DNAH7: variants seen among roughly 807,000 people sequenced by gnomAD.
The protein encoded by DNAH7 is axonemal beta dynein heavy chain 7.
Under a neutral mutation model 444.6 loss-of-function variants are expected in DNAH7, and 397 were observed. The ratio of observed to expected loss-of-function variants is 0.89; its 90% confidence interval spans 0.82 to 0.97. DNAH7 has a LOEUF of 0.97. Among genes scored for constraint, DNAH7 ranks in the 50% least tolerant of loss-of-function variants. DNAH7 has a pLI of 0.00. For missense variants in DNAH7, 4,902 were observed against 4,800.8 expected, an observed-to-expected ratio of 1.02 and a Z score of -0.62; for synonymous variants, 1,636 against 1,624.4, an observed-to-expected ratio of 1.01 and a Z score of -0.17.
At chr2:195,854,782 T>C (rs1699595124) in intron 45 of DNAH7, among the ~76,000 whole-genome samples, 1 of 152,138 alleles carries the variant, frequency 6.6e-6, no homozygotes, top group South Asian at 2.1e-4. Context: ...AAAAATAAAA[T>C]TTTCAAACAT....
chr2:195,920,232 A>G (rs759307088), intron 24 of DNAH7, among the ~76,000 whole-genome samples: 9 of 152,232 alleles, frequency 5.9e-5, no homozygotes, highest in Non-Finnish European at 1.3e-4. Flanking sequence ...ATATGGAAGC[A>G]AAAAAGAGCC....
rs374224900 is a variant in DNAH7 at position 195,861,828 on chromosome 2, A to G, written c.7625T>C (p.Ile2542Thr). ...AACAAAGAAAGATTTGGATAAATCT[A>G]TAGTAGAAGTGTGGAAGCTTTTACA... Reference protein sequence around the residue: ...DMCKSFHTSTIDLSKSFFVEL... With the variant: ...DMCKSFHTSTTDLSKSFFVEL... Residue 2542 changes from isoleucine to threonine, a missense_variant, in exon 42 of 65, where the codon ATA (isoleucine) becomes ACA (threonine). Physicochemically the swap from Ile to Thr is moderately conservative, Grantham distance 89. Transcript: ENST00000312428. The G allele has an allele frequency of 6.2e-7, 1 of 1,613,178 alleles. No homozygotes were observed. Among genetic ancestry groups the G allele is most frequent in the African/African-American group, 1.3e-5 (1 of 75,026 alleles).
At chr2:196,035,102 A>G (rs1332999853) in intron 5 of DNAH7, among the ~76,000 whole-genome samples, 1 of 152,082 alleles carries the variant, frequency 6.6e-6, no homozygotes, top group East Asian at 1.9e-4. Flanking sequence ...AAATCGCTTG[A>G]ACCCAGGAGG....
intron 1 of DNAH7, among the ~76,000 whole-genome samples, chr2:196,065,595 C>G (rs147521286): frequency 6.6e-6 from 1 of 152,262 alleles, no homozygotes; most frequent in African/African-American, 2.4e-5. Context: ...AAAAAAGGCA[C>G]CAGGAGGAGA....
intron 55 of DNAH7, among the ~76,000 whole-genome samples, chr2:195,797,399 C>G (rs75965839): frequency 6.6e-6 from 1 of 152,106 alleles, no homozygotes; most frequent in South Asian, 2.1e-4. Flanking sequence ...TTGTCACTAG[C>G]TGGTAGAGGC....
chr2:195,852,114 C>T (rs58947622), intron 46 of DNAH7, among the ~76,000 whole-genome samples: 2,391 of 151,918 alleles, frequency 0.016, 68 homozygotes, highest in African/African-American at 0.054. Flanking sequence ...AAAAATTAGC[C>T]AGGCGTGGTG....
chr2:195,908,777 A>G (rs1386247354), intron 25 of DNAH7, among the ~76,000 whole-genome samples: 1 of 152,134 alleles, frequency 6.6e-6, no homozygotes, highest in Non-Finnish European at 1.5e-5. Context: ...TAAAATGTTA[A>G]TTGGTCATTT....
chr2:195,806,619 G>T, intron 54 of DNAH7, 121 bp downstream of exon 54: 1 of 674,162 alleles, frequency 1.5e-6, no homozygotes. Flanking sequence ...GAAAGAAGTG[G>T]GATTATTTCC....
intron 19 of DNAH7, among the ~76,000 whole-genome samples, chr2:195,950,868 A>AAAAAAAAAAAAAAAC (rs1553575648): frequency 2.9e-5 from 4 of 138,236 alleles, no homozygotes; most frequent in African/African-American, 1.1e-4. Context: ...AAAAAAAAAA[A>AAAAAAAAAAAAAAAC]AAAAAAAAAA....
intron 8 of DNAH7, 53 bp downstream of exon 8, chr2:196,024,376 A>G (rs1291882187): frequency 8.5e-7 from 1 of 1,178,750 alleles, no homozygotes. Context: ...TGATATAAAC[A>G]TATACAGAAA....
intron 5 of DNAH7, among the ~76,000 whole-genome samples, chr2:196,041,451 T>A (rs1261612065): frequency 2.6e-5 from 4 of 151,832 alleles, no homozygotes; most frequent in Non-Finnish European, 5.9e-5. Flanking sequence ...GCCAAAAACA[T>A]AAATTGGGGA....
At chr2:196,050,072 G>A (rs966920746) in intron 3 of DNAH7, among the ~76,000 whole-genome samples, 2 of 152,166 alleles carry the variant, frequency 1.3e-5, no homozygotes, top group African/African-American at 4.8e-5. Context: ...GTTAGTTCAA[G>A]TTTCCTAAGC....
In DNAH7 at chr2:195,858,503, G is replaced by A; in HGVS notation, c.8038C>T (p.Leu2680=). 6.2e-7 allele frequency: 1 copy of A among 1,611,894 alleles called. No homozygotes were observed. Among genetic ancestry groups the A allele is most frequent in the Non-Finnish European group, 8.5e-7 (1 of 1,178,920 alleles). ...GCAGTAAGAGTATCAAGGGCGGCCA[G>A]TGCTGACTCTAATATTGGCAAGGCA... ...AGALPILESA[L]AALDTLTAQD... Residue 2680 remains leucine, a synonymous_variant, in exon 43 of 65, where the codon CTG becomes TTG. Coordinates refer to ENST00000312428, the MANE Select transcript of DNAH7 (RefSeq NM_018897.3).
intron 15 of DNAH7, among the ~76,000 whole-genome samples, chr2:195,976,880 C>A (rs1692248544): frequency 6.6e-6 from 1 of 151,862 alleles, no homozygotes; most frequent in South Asian, 2.1e-4. Flanking sequence ...CCAAGACCAC[C>A]AAGGCAGTAC....
intron 15 of DNAH7, among the ~76,000 whole-genome samples, 189 bp downstream of exon 15, chr2:195,984,443 G>A (rs1326962611): frequency 2.6e-5 from 4 of 152,080 alleles, no homozygotes; most frequent in Non-Finnish European, 5.9e-5. Flanking sequence ...TGCCTCCCGG[G>A]TTCAACCGAT....
intron 58 of DNAH7, among the ~76,000 whole-genome samples, chr2:195,785,920 C>G (rs919058991): frequency 1.5e-4 from 23 of 151,918 alleles, no homozygotes; most frequent in Non-Finnish European, 2.8e-4. Context: ...CATTTTTGCT[C>G]CCTTATTAGT....
rs762126330 is a variant in DNAH7, at chr2:195,844,982, G to C, written c.8945+20C>G. 2 of 1,601,318 alleles carry C rather than the reference G, an allele frequency of 1.2e-6. No homozygotes were observed. The highest frequency in any genetic ancestry group is 1.7e-6 in the Non-Finnish European group (2 of 1,171,886). On this transcript the variant is annotated intron_variant, in intron 47 of 64. Coordinates refer to ENST00000312428, the MANE Select transcript of DNAH7 (RefSeq NM_018897.3). ...CTGTTATTTAATAAAGACCATTTGT[G>C]AGAAAAATATTTTTCTTACATTATG...
chr2:195,934,856 T>C, intron 20 of DNAH7, 67 bp from the exon 21 acceptor site: 1 of 1,535,236 alleles, frequency 6.5e-7, no homozygotes, highest in African/African-American at 1.4e-5. Flanking sequence ...CCAGAGTTCT[T>C]CGTTTAAAGT....
chr2:195,771,559 A>G, intron 61 of DNAH7, 101 bp downstream of exon 61: 2 of 881,260 alleles, frequency 2.3e-6, no homozygotes, highest in Non-Finnish European at 1.8e-6. Context: ...CCAGAACCCA[A>G]AACAGTGCTT....
Sources: gnomAD v4.1 joint callset for allele counts (sites outside exome capture counted in the v4.1 genomes callset) on GRCh38, gnomAD v4.1.1 for gene constraint, MANE v1.5 for transcripts, NCBI Gene and HGNC (gene_info 2026-07-23, HGNC 2026-07-21) for gene names.